STN1: variants seen among roughly 807,000 people sequenced by gnomAD.
The protein encoded by STN1 is CST complex subunit STN1.
In STN1, 29 loss-of-function variants were observed where a neutral mutation model predicts 45.5. The ratio of observed to expected loss-of-function variants is 0.64; its 90% confidence interval spans 0.47 to 0.87. The LOEUF is 0.87. Among genes scored for constraint, STN1 ranks in the 40% least tolerant of loss-of-function variants. STN1 has a pLI of 0.00. For missense variants in STN1, 376 were observed against 441.4 expected, an observed-to-expected ratio of 0.85 and a Z score of 1.33; for synonymous variants, 148 against 159.0, an observed-to-expected ratio of 0.93 and a Z score of 0.52.
rs1206780644 is a variant in STN1 at position 103,889,072 on chromosome 10, G to A, written c.949C>T (p.His317Tyr). The change falls in exon 9 of 10, where the codon CAC (histidine) becomes TAC (tyrosine). Residue 317 changes from histidine (H) to tyrosine (Y), a missense_variant and splice_region_variant. Transcript: ENST00000224950. ...ATCACTTGTACATTATACCACTTACGATTTGGTTTCTGGCAGTCCTGCTGA... is the reference window on the plus strand; with the variant it reads ...ATCACTTGTACATTATACCACTTACAATTTGGTTTCTGGCAGTCCTGCTGA... ...IIQQDCQKPN[H>Y]MEKGCHFLHI... 6.2e-6 allele frequency: 10 copies of A among 1,608,680 alleles called. No homozygotes were observed. The highest frequency in any genetic ancestry group is 3.3e-5 in the Admixed American group (2 of 59,992).
In STN1 at chr10:103,879,682, G is replaced by C. The variant is rs1252782877; in HGVS notation, c.*3002C>G. 6.5e-6 allele frequency: 1 copy of C among 152,744 alleles called. No individual in the cohort carries two copies. The highest frequency in any genetic ancestry group is 1.9e-4 in the East Asian group (1 of 5,202). 9.5% of individuals were successfully genotyped at this position (152,744 alleles called of 1,614,324 possible). A position where few individuals can be genotyped will look rare whatever the true frequency, so the allele number is the denominator to read the frequency against. Reference sequence around the variant, plus strand: ...AAGACCGAAGGCTGTAGGAGAGTGGGAGCATTAACAGGGTGGCAACAGCTG... The same window carrying C: ...AAGACCGAAGGCTGTAGGAGAGTGGCAGCATTAACAGGGTGGCAACAGCTG... On this transcript the variant is annotated 3_prime_UTR_variant, in exon 10 of 10. Transcript: ENST00000224950.
At position 103,880,318 on chromosome 10, in the gene STN1, G is replaced by T. The variant is rs191401995; in HGVS notation, c.*2366C>A. Among the ~76,000 whole-genome samples the T allele has an allele frequency of 6.6e-6, 1 of 152,220 alleles. No homozygotes were observed. Among genetic ancestry groups the T allele is most frequent in the Non-Finnish European group, 1.5e-5 (1 of 68,042 alleles). On this transcript the variant is annotated 3_prime_UTR_variant, in exon 10 of 10. Coordinates refer to ENST00000224950, the MANE Select transcript of STN1 (RefSeq NM_024928.5). ...GGTATTACTGGAAAAGGCAACATTC[G>T]ATTGGTTAAGGCGTTATTCAGAAAG...
At position 103,909,382 on chromosome 10, in the gene STN1, ATATATATGTATATATGTATATATATG is replaced by A. The variant is rs1564634910; in HGVS notation, c.229+1119_229+1144del. Among the ~76,000 whole-genome samples the A allele has an allele frequency of 1.0e-4, 9 of 86,844 alleles. 1 individual carries two copies. Among genetic ancestry groups the A allele is most frequent in the African/African-American group, 3.9e-4 (9 of 22,812 alleles). 57.0% of individuals were successfully genotyped at this position (86,844 alleles called of 152,430 possible). A position where few individuals can be genotyped will look rare whatever the true frequency, so the allele number is the denominator to read the frequency against. On this transcript the variant is annotated intron_variant, in intron 3 of 9. Transcript: ENST00000224950. ...AAAAAAAAAATATATATATATATGTATATATATGTATATATGTATATATATGTATATATGTATATATGTATATATAT... is the reference window on the plus strand; with the variant it reads ...AAAAAAAAAATATATATATATATGTATATATATGTATATATGTATATATAT...
intron 2 of STN1, among the ~76,000 whole-genome samples, chr10:103,914,354 A>ATTTTTTTTTTTTTTTTT (rs1564636090): frequency 5.0e-5 from 1 of 19,842 alleles, no homozygotes. Context: ...ATATATATAT[A>ATTTTTTTTTTTTTTTTT]TATATATATA....
chr10:103,888,526 C>T (rs1473034979), intron 9 of STN1, among the ~76,000 whole-genome samples: 1 of 152,170 alleles, frequency 6.6e-6, no homozygotes, highest in East Asian at 1.9e-4. Flanking sequence ...ATTTTCTAAA[C>T]CATGTCTTTT....
At chr10:103,890,131 A>G (rs1843130182) in intron 8 of STN1, among the ~76,000 whole-genome samples, 1 of 152,212 alleles carries the variant, frequency 6.6e-6, no homozygotes, top group African/African-American at 2.4e-5. Flanking sequence ...AGAAACAGAA[A>G]AAGAGAGAGG....
chr10:103,909,354 C>CA (rs1182343917), intron 3 of STN1, among the ~76,000 whole-genome samples: 1,876 of 61,222 alleles, frequency 0.031, 329 homozygotes, highest in Non-Finnish European at 0.043. Context: ...TTTTCAGAAT[C>CA]AAAAAAAAAA....
Position 103,878,611 on chromosome 10 carries a change from G to C in STN1, c.*4073C>G, listed in dbSNP as rs1295803949. ...GAATGTACTGACAGTGGAAGAGTGA[G>C]CACTTGCTAATTATAAAAATGCCAA... On this transcript the variant is annotated 3_prime_UTR_variant, in exon 10 of 10. Coordinates refer to ENST00000224950, the MANE Select transcript of STN1 (RefSeq NM_024928.5). 1 of 152,208 alleles carries C rather than the reference G, an allele frequency of 6.6e-6. No individual in the cohort carries two copies. The highest frequency in any genetic ancestry group is 1.5e-5 in the Non-Finnish European group (1 of 68,042). The allele number at this position is 152,208 out of a possible 1,614,324, so 9.4% of individuals were successfully genotyped here. A position where few individuals can be genotyped will look rare whatever the true frequency, so the allele number is the denominator to read the frequency against.
At chr10:103,894,407 G>A (rs1294477889) in intron 7 of STN1, among the ~76,000 whole-genome samples, 1 of 152,086 alleles carries the variant, frequency 6.6e-6, no homozygotes, top group East Asian at 1.9e-4. Context: ...GCTAGGCCTA[G>A]GAGATTAAAA....
In STN1 at chr10:103,914,356, A is replaced by ATTT. The variant is rs1564636108; in HGVS notation, c.133+3105_133+3106insAAA. ...AATACATATATATATATATATATAT[A>ATTT]TATATATATATATATATATTTTTTT... is the stretch of plus-strand genomic sequence containing the variant. On this transcript the variant is annotated intron_variant, in intron 2 of 9. Coordinates refer to ENST00000224950, the MANE Select transcript of STN1 (RefSeq NM_024928.5). Among the ~76,000 whole-genome samples the ATTT allele has an allele frequency of 1.6e-4, 3 of 19,144 alleles. 1 individual carries two copies. Among genetic ancestry groups the ATTT allele is most frequent in the Non-Finnish European group, 2.3e-4 (2 of 8,530 alleles). The allele number at this position is 19,144 out of a possible 152,430, so 12.6% of individuals were successfully genotyped here.
chr10:103,878,185 A>G lies in STN1; in HGVS notation c.*4499T>C, dbSNP rs145891311. ...AACAAATCCTTGACCAGACAGTAGC[A>G]CTATTTGTCTTCTTGCCTACACAAG... On this transcript the variant is annotated 3_prime_UTR_variant, in exon 10 of 10. Coordinates refer to ENST00000224950, the MANE Select transcript of STN1 (RefSeq NM_024928.5). 1 of 152,384 alleles carries G rather than the reference A, an allele frequency of 6.6e-6. No homozygotes were observed. The highest frequency in any genetic ancestry group is 1.5e-5 in the Non-Finnish European group (1 of 68,052). 9.4% of individuals were successfully genotyped at this position (152,384 alleles called of 1,614,324 possible).
rs1564635174 is a variant in STN1, at chr10:103,909,502, G to GTGTA, written c.229+1024_229+1025insTACA. Among the ~76,000 whole-genome samples, 3 of 41,880 alleles carry GTGTA rather than the reference G, an allele frequency of 7.2e-5. 1 individual carries two copies. Among genetic ancestry groups the GTGTA allele is most frequent in the Non-Finnish European group, 1.3e-4 (2 of 15,926 alleles). 27.5% of individuals were successfully genotyped at this position (41,880 alleles called of 152,430 possible). A position where few individuals can be genotyped will look rare whatever the true frequency, so the allele number is the denominator to read the frequency against. ...TGTATATATATGTGTGTGTGTATATGTATATATGTATATATGTATATATAT... is the reference window on the plus strand; with the variant it reads ...TGTATATATATGTGTGTGTGTATATGTGTATATATATGTATATATGTATATATAT... On this transcript the variant is annotated intron_variant, in intron 3 of 9. Transcript: ENST00000224950.
rs889661086 is a variant in STN1, at chr10:103,881,609, C to T, written c.*1075G>A. Among the ~76,000 whole-genome samples, 3 of 152,194 alleles carry T rather than the reference C, an allele frequency of 2.0e-5. No individual in the cohort carries two copies. The highest frequency in any genetic ancestry group is 7.2e-5 in the African/African-American group (3 of 41,452). ...TTCCACGGAGAGAGGAGCAACTCTC[C>T]AGGCCTAAAGGATCTCCAGCTGAGC... On this transcript the variant is annotated 3_prime_UTR_variant, in exon 10 of 10. Transcript: ENST00000224950.
intron 9 of STN1, among the ~76,000 whole-genome samples, chr10:103,884,038 C>T (rs1288629244): frequency 3.6e-5 from 5 of 138,992 alleles, no homozygotes; most frequent in African/African-American, 5.6e-5. Flanking sequence ...TGCAGTGAGC[C>T]GAGATTGCGC....
At chr10:103,898,030 G>A (rs914782783) in intron 6 of STN1, among the ~76,000 whole-genome samples, 1 of 152,138 alleles carries the variant, frequency 6.6e-6, no homozygotes, top group Non-Finnish European at 1.5e-5. Context: ...TCATGCTTGT[G>A]TAAGCACAGA....
At chr10:103,914,367 TA>T (rs1254668025) in intron 2 of STN1, among the ~76,000 whole-genome samples, 1,037 of 10,410 alleles carry the variant, frequency 0.1, 10 homozygotes, top group Non-Finnish European at 0.13. Flanking sequence ...TATATATATA[TA>T]TATATATTTT....
At chr10:103,899,262 G>C (rs1843191560) in intron 5 of STN1, among the ~76,000 whole-genome samples, 3 of 152,240 alleles carry the variant, frequency 2.0e-5, no homozygotes, top group African/African-American at 7.2e-5. Context: ...TGATTCGTCT[G>C]CTCCTCTGGT....
At chr10:103,914,517 G>A (rs1423489647) in intron 2 of STN1, among the ~76,000 whole-genome samples, 1 of 151,108 alleles carries the variant, frequency 6.6e-6, no homozygotes, top group Non-Finnish European at 1.5e-5. Context: ...TGGGACCATA[G>A]GTACTGCTTT....
In STN1 at chr10:103,909,436, A is replaced by ATATATGTATATATATG. The variant is rs1564635041; in HGVS notation, c.229+1090_229+1091insCATATATATACATATA. On this transcript the variant is annotated intron_variant, in intron 3 of 9. Coordinates refer to ENST00000224950, the MANE Select transcript of STN1 (RefSeq NM_024928.5). ...TATATGTATATATGTATATATATGT[A>ATATATGTATATATATG]TATATATGTATATATGTATATATGT... is the stretch of plus-strand genomic sequence containing the variant. Among the ~76,000 whole-genome samples the ATATATGTATATATATG allele has an allele frequency of 2.8e-4, 14 of 49,842 alleles. 1 individual carries two copies. The highest frequency in any genetic ancestry group is 7.3e-4 in the South Asian group (1 of 1,376). 32.7% of individuals were successfully genotyped at this position (49,842 alleles called of 152,430 possible).
Sources: allele counts gnomAD v4.1 joint callset (sites outside exome capture counted in the v4.1 genomes callset), GRCh38; gene constraint gnomAD v4.1.1; transcripts MANE v1.5; gene names NCBI Gene and HGNC (gene_info 2026-07-23, HGNC 2026-07-21).